Variants in LGR5 observed in about 807,000 individuals in gnomAD.
LGR5 encodes the protein leucine-rich repeat-containing G protein-coupled receptor 5.
A neutral mutation model predicts 76.7 loss-of-function variants in LGR5; 54 were observed. The ratio of observed to expected loss-of-function variants is 0.70; its 90% CI spans 0.57 to 0.88. The LOEUF (loss-of-function observed/expected upper bound fraction) is 0.88. Among genes scored for constraint, LGR5 ranks in the 40% least tolerant of loss-of-function variants. The pLI is 0.00. For synonymous variants in LGR5, 406 were observed against 421.9 expected (o/e 0.96, Z 0.46); for missense variants, 1,078 against 1,073.3 (o/e 1.00, Z -0.06).
intron 1 of LGR5, among the ~76,000 whole-genome samples, chr12:71,491,511 G>A (rs949427554): frequency 6.6e-6 from 1 of 151,918 alleles, no homozygotes; most frequent in Admixed American, 6.6e-5. Flanking sequence ...CCCTTGTAAG[G>A]TAATGGTTAT....
intron 1 of LGR5, among the ~76,000 whole-genome samples, chr12:71,474,438 AC>A (rs1565671514): frequency 6.6e-6 from 1 of 152,244 alleles, no homozygotes; most frequent in Non-Finnish European, 1.5e-5. Flanking sequence ...ATATTCCTAT[AC>A]CAATTTTTAA....
chr12:71,524,505 A>G (rs1875888042), intron 3 of LGR5, 28 bp downstream of exon 3: 3 of 1,531,210 alleles, frequency 2.0e-6, no homozygotes, highest in Middle Eastern at 1.7e-4. Flanking sequence ...TGTTGGATAT[A>G]TTTCTGATTT....
intron 8 of LGR5, among the ~76,000 whole-genome samples, chr12:71,565,435 TATATATATAG>T (rs57913517): frequency 0.028 from 3,311 of 116,640 alleles, 154 homozygotes; most frequent in African/African-American, 0.092. Flanking sequence ...TATATATATA[TATATATATAG>T]CTCATATATA....
intron 11 of LGR5, 164 bp from the exon 12 acceptor site, chr12:71,571,350 A>C (rs1324892731): frequency 2.0e-6 from 1 of 505,008 alleles, no homozygotes; most frequent in African/African-American, 1.9e-5. Context: ...TCTACTGGTT[A>C]ATCCAATAAT....
intron 1 of LGR5, among the ~76,000 whole-genome samples, chr12:71,469,613 C>T (rs902640939): frequency 3.9e-5 from 6 of 152,146 alleles, no homozygotes; most frequent in Non-Finnish European, 8.8e-5. Flanking sequence ...GAGGTCAAAG[C>T]GGAGAAACTG....
At chr12:71,578,203 G>T (rs1044524322) in intron 14 of LGR5, among the ~76,000 whole-genome samples, 13 of 152,194 alleles carry the variant, frequency 8.5e-5, no homozygotes, top group Non-Finnish European at 1.0e-4. Flanking sequence ...GAAGATTTGG[G>T]TGACACCTGG....
At chr12:71,486,274 A>C (rs1873823203) in intron 1 of LGR5, among the ~76,000 whole-genome samples, 1 of 152,178 alleles carries the variant, frequency 6.6e-6, no homozygotes, top group African/African-American at 2.4e-5. Context: ...TGTTATCATC[A>C]TTAGAGTCAT....
intron 1 of LGR5, among the ~76,000 whole-genome samples, chr12:71,496,843 T>C (rs537670724): frequency 6.6e-6 from 1 of 152,272 alleles, no homozygotes; most frequent in African/African-American, 2.4e-5. Flanking sequence ...TGTCTATAAA[T>C]GATTTCATTT....
At chr12:71,556,981 A>C (rs940141488) in intron 6 of LGR5, among the ~76,000 whole-genome samples, 1 of 152,056 alleles carries the variant, frequency 6.6e-6, no homozygotes, top group Non-Finnish European at 1.5e-5. Flanking sequence ...AGTCTCTGTC[A>C]AGGATCACTC....
At position 71,571,530 on chromosome 12, in the gene LGR5, C is replaced by G; in HGVS notation, c.1087C>G (p.Leu363Val). 1 of 1,612,488 alleles carries G rather than the reference C, an allele frequency of 6.2e-7. No homozygotes were observed. The highest frequency in any genetic ancestry group is 8.5e-7 in the Non-Finnish European group (1 of 1,178,930). The change falls in exon 12 of 18, where the codon CTA (leucine) becomes GTA (valine). Residue 363 changes from leucine (L) to valine (V), a missense_variant. Coordinates refer to ENST00000266674, the MANE Select transcript of LGR5 (RefSeq NM_003667.4). ...GTTTTTCAGAGATCTGTCTTACAAC[C>G]TATTAGAAGATTTACCCAGTTTTTC... ...NLQVLDLSYN[L>V]LEDLPSFSVC... is the part of the protein sequence containing the mutation.
chr12:71,555,731 G>A (rs1015745222), intron 5 of LGR5, among the ~76,000 whole-genome samples: 3 of 152,186 alleles, frequency 2.0e-5, no homozygotes, highest in Non-Finnish European at 4.4e-5. Flanking sequence ...CCTTGAGAAT[G>A]TAAATTAGTT....
chr12:71,478,704 A>T (rs1449726123), intron 1 of LGR5, among the ~76,000 whole-genome samples: 1 of 152,184 alleles, frequency 6.6e-6, no homozygotes, highest in Non-Finnish European at 1.5e-5. Flanking sequence ...TAGTTTAAAG[A>T]AAGGGAATGT....
At chr12:71,518,702 C>T (rs549955947) in intron 2 of LGR5, among the ~76,000 whole-genome samples, 9 of 152,240 alleles carry the variant, frequency 5.9e-5, no homozygotes, top group Admixed American at 5.9e-4. Flanking sequence ...TTTGCAGAAA[C>T]ATGGATGGAG....
At chr12:71,560,963 G>T (rs1221767320) in intron 7 of LGR5, among the ~76,000 whole-genome samples, 2 of 152,286 alleles carry the variant, frequency 1.3e-5, no homozygotes, top group East Asian at 3.9e-4. Flanking sequence ...CCTTTTAGAT[G>T]ATAAAATTTA....
chr12:71,528,715 A>T lies in LGR5; in HGVS notation c.356+4238A>T, dbSNP rs545146909. 1.3e-3 allele frequency among the ~76,000 whole-genome samples: 198 copies of T among 152,304 alleles called. 1 individual carries two copies. The highest frequency in any genetic ancestry group is 4.6e-3 in the African/African-American group (193 of 41,554). ...ATATGAAATTTATGTTGTGATAATT[A>T]TATAATGATTTATTTATCTGAGGGT... On this transcript the variant is annotated intron_variant, in intron 3 of 17. Coordinates refer to ENST00000266674, the MANE Select transcript of LGR5 (RefSeq NM_003667.4).
chr12:71,500,069 G>A (rs1416421347), intron 1 of LGR5, among the ~76,000 whole-genome samples: 4 of 151,918 alleles, frequency 2.6e-5, no homozygotes, highest in Admixed American at 2.0e-4. Context: ...GGTGGGAAAG[G>A]GAAAAGTTAA....
At chr12:71,578,107 C>T in intron 14 of LGR5, 111 bp downstream of exon 14, 1 of 762,748 alleles carries the variant, frequency 1.3e-6, no homozygotes, top group Non-Finnish European at 2.2e-6. Flanking sequence ...GATTACCTGC[C>T]TCTGTGTTCT....
rs1400420061 is a variant in LGR5, at chr12:71,553,143, C to G, written c.499C>G (p.Leu167Val). Residue 167 changes from leucine (L) to valine (V), a missense_variant, in exon 5 of 18, where the codon CTG (leucine) becomes GTG (valine). Transcript: ENST00000266674. ...CAGTGGCCTGCATTCCCTGAGGCAC[C>G]TGTGGCTGGATGACAATGCGTTAAC... is the stretch of plus-strand genomic sequence containing the variant. ...CFSGLHSLRH[L>V]WLDDNALTEI... 6 of 1,613,954 alleles carry G rather than the reference C, an allele frequency of 3.7e-6. No homozygotes were observed. In the Admixed American group the frequency reaches 6.7e-5, roughly 18 times the overall value.
intron 5 of LGR5, among the ~76,000 whole-genome samples, chr12:71,556,224 G>A (rs1013258492): frequency 2.0e-5 from 3 of 151,918 alleles, no homozygotes; most frequent in African/African-American, 7.3e-5. Context: ...ATGGGTACTA[G>A]GCTTAATACC....
Sources: allele counts gnomAD v4.1 joint callset (sites outside exome capture counted in the v4.1 genomes callset), GRCh38; gene constraint gnomAD v4.1.1; transcripts MANE v1.5; gene names NCBI Gene and HGNC (gene_info 2026-07-23, HGNC 2026-07-21).